Variants in NUBP2 observed in about 807,000 individuals in gnomAD.
NUBP2 encodes cytosolic Fe-S cluster assembly factor NUBP2.
In NUBP2, 23 loss-of-function variants were observed where a neutral mutation model predicts 24.9. The observed-to-expected ratio is 0.92, with a 90% CI of 0.66 to 1.31. NUBP2 has a LOEUF of 1.31. Among genes scored for constraint, NUBP2 ranks in the 50% most tolerant of loss-of-function variants. The pLI is 0.00. For missense variants in NUBP2, 403 were observed against 386.5 expected, an observed-to-expected ratio of 1.04 and a Z score of -0.36; for synonymous variants, 186 against 170.9, an observed-to-expected ratio of 1.09 and a Z score of -0.69.
In NUBP2 at chr16:1,788,618, C is replaced by G. The variant is rs548071502; in HGVS notation, c.720C>G (p.His240Gln). The G allele has an allele frequency of 1.2e-6, 2 of 1,610,704 alleles. No individual in the cohort carries two copies. The highest frequency in any genetic ancestry group is 1.3e-5 in the African/African-American group (1 of 75,006). Reference protein sequence around the residue: ...PALMRTLEEGHDFIQEFPGSP... With the variant: ...PALMRTLEEGQDFIQEFPGSP... ...TCATGAGGACCCTGGAGGAGGGCCA[C>G]GACTTCATCCAGGAGTTCCCTGGGA... Residue 240 changes from histidine (H) to glutamine (Q), a missense_variant, in exon 7 of 7, where the codon CAC becomes CAG. Transcript: ENST00000262302.
At chr16:1,786,321 G>C (rs1251335611) in intron 1 of NUBP2, 2 of 579,364 alleles carry the variant, frequency 3.5e-6, no homozygotes, top group Admixed American at 6.1e-5. Flanking sequence ...TGCAGGGAGT[G>C]CCGTGGTCTT....
rs1366303724 is a variant in NUBP2 at position 1,783,046 on chromosome 16, G to C, written c.16+10G>C. ...ATGGAGGCGGCGGCCGGTGAGTGGC[G>C]GGCCAGGGTGCGGAGCCGCTCCAGG... On this transcript the variant is annotated intron_variant, in intron 1 of 6. Transcript: ENST00000262302. 11 of 1,349,514 alleles carry C rather than the reference G, an allele frequency of 8.2e-6. No homozygotes were observed. Among genetic ancestry groups the C allele is most frequent in the African/African-American group, 6.1e-5 (4 of 65,878 alleles). The allele number at this position is 1,349,514 out of a possible 1,614,324, so 83.6% of individuals were successfully genotyped here. A position where few individuals can be genotyped will look rare whatever the true frequency, so the allele number is the denominator to read the frequency against.
In NUBP2 at chr16:1,789,057, C is replaced by A. The variant is rs1567238814; in HGVS notation, c.*343C>A. On this transcript the variant is annotated 3_prime_UTR_variant, in exon 7 of 7. Transcript: ENST00000262302. The stretch of plus-strand genomic sequence containing the variant: ...CAGTCCTCAGGTGACCCCGGGCCTC[C>A]AGCACCCTGGGTCGCTGTCATCTGT... 1 of 251,250 alleles carries A rather than the reference C, an allele frequency of 4.0e-6. No individual in the cohort carries two copies. Among genetic ancestry groups the A allele is most frequent in the Non-Finnish European group, 7.6e-6 (1 of 131,790 alleles). 15.6% of individuals were successfully genotyped at this position (251,250 alleles called of 1,614,324 possible).
At chr16:1,785,244 G>A in intron 1 of NUBP2, 1 of 1,024,058 alleles carries the variant, frequency 9.8e-7, no homozygotes, top group Non-Finnish European at 1.2e-6. Context: ...CATGCTGACT[G>A]TGCTTTGCTG....
At position 1,783,384 on chromosome 16, in the gene NUBP2, C is replaced by T. The variant is rs897944714; in HGVS notation, c.16+348C>T. On this transcript the variant is annotated intron_variant, in intron 1 of 6. Coordinates refer to ENST00000262302, the MANE Select transcript of NUBP2 (RefSeq NM_012225.4). ...GGTTGCAACTGCACCGCAGCCCGGG[C>T]AAGAGCGAGACCCTGTCTCTAAATA... The T allele has an allele frequency of 2.1e-5, 22 of 1,069,250 alleles. No homozygotes were observed. The African/African-American group carries it at 3.7e-4, about 18-fold the overall frequency. 66.2% of individuals were successfully genotyped at this position (1,069,250 alleles called of 1,614,324 possible).
At position 1,788,542 on chromosome 16, in the gene NUBP2, C is replaced by T. The variant is rs58637729; in HGVS notation, c.671-27C>T. 2.5e-3 allele frequency: 3,872 copies of T among 1,575,854 alleles called. 85 individuals are homozygous for T. In the African/African-American group the frequency reaches 0.046, roughly 19 times the overall value. On this transcript the variant is annotated intron_variant, in intron 6 of 6. Transcript: ENST00000262302. ...GTGGGAGTGGAAGGTGCGGACATGG[C>T]GCCACCGCCTCCACTGTGCCCTGCA...
At chr16:1,786,079 C>T (rs1004516349) in intron 1 of NUBP2, 14 of 988,378 alleles carry the variant, frequency 1.4e-5, no homozygotes, top group African/African-American at 1.7e-5. Flanking sequence ...TGTGACAACG[C>T]GTGGTTGTTG....
In NUBP2 at chr16:1,783,386, A is replaced by G. The variant is rs1031187562; in HGVS notation, c.16+350A>G. On this transcript the variant is annotated intron_variant, in intron 1 of 6. Transcript: ENST00000262302. ...TTGCAACTGCACCGCAGCCCGGGCA[A>G]GAGCGAGACCCTGTCTCTAAATAAA... is the stretch of plus-strand genomic sequence containing the variant. 48 of 1,066,800 alleles carry G rather than the reference A, an allele frequency of 4.5e-5. No individual in the cohort carries two copies. In the African/African-American group the frequency reaches 7.5e-4, roughly 17 times the overall value. 66.1% of individuals were successfully genotyped at this position (1,066,800 alleles called of 1,614,324 possible).
intron 1 of NUBP2, 184 bp from the exon 2 acceptor site, chr16:1,786,353 G>C: frequency 1.6e-6 from 1 of 631,996 alleles, no homozygotes; most frequent in Non-Finnish European, 2.8e-6. Flanking sequence ...CCGGGTCTGG[G>C]GCTGCAGGGG....
chr16:1,783,105 G>A, intron 1 of NUBP2, 69 bp downstream of exon 1: 2 of 1,221,094 alleles, frequency 1.6e-6, no homozygotes. Flanking sequence ...TCCCTTCCCG[G>A]GGCGGCCTCG....
intron 1 of NUBP2, 72 bp from the exon 2 acceptor site, chr16:1,786,465 G>GT (rs1318459856): frequency 1.4e-5 from 18 of 1,330,096 alleles, no homozygotes; most frequent in Non-Finnish European, 1.9e-5. Flanking sequence ...GCAAGAGGCA[G>GT]TGGGTGACCC....
chr16:1,788,478 A>T (rs28534374), intron 6 of NUBP2, 91 bp from the exon 7 acceptor site: 334,624 of 1,445,800 alleles, frequency 0.23, 40,860 homozygotes, highest in South Asian at 0.41. Flanking sequence ...ATCCCCTCTA[A>T]GGCCACGGGT....
In NUBP2 at chr16:1,788,938, A is replaced by G. The variant is rs1897131088; in HGVS notation, c.*224A>G. ...GGTCTGCGTGCTCTGCAGCTGTGAGACGGGGGCGGCCTGGGCTCTCTTCCC... is the reference window on the plus strand; with the variant it reads ...GGTCTGCGTGCTCTGCAGCTGTGAGGCGGGGGCGGCCTGGGCTCTCTTCCC... On this transcript the variant is annotated 3_prime_UTR_variant, in exon 7 of 7. Coordinates refer to ENST00000262302, the MANE Select transcript of NUBP2 (RefSeq NM_012225.4). The G allele has an allele frequency of 1.8e-6, 1 of 551,256 alleles. No homozygotes were observed. Among genetic ancestry groups the G allele is most frequent in the East Asian group, 3.2e-5 (1 of 31,498 alleles). The allele number at this position is 551,256 out of a possible 1,614,324, so 34.1% of individuals were successfully genotyped here. A position where few individuals can be genotyped will look rare whatever the true frequency, so the allele number is the denominator to read the frequency against.
chr16:1,785,365 C>A, intron 1 of NUBP2: 13 of 1,141,454 alleles, frequency 1.1e-5, no homozygotes, highest in Non-Finnish European at 1.4e-5. Context: ...TACCATGGTG[C>A]TCAGCCCAAC....
intron 1 of NUBP2, chr16:1,784,454 T>C (rs1380047641): frequency 6.6e-6 from 1 of 151,864 alleles, no homozygotes; most frequent in Non-Finnish European, 1.5e-5. Flanking sequence ...TGGAGTGCAG[T>C]GGCACAATCT....
intron 6 of NUBP2, 142 bp from the exon 7 acceptor site, chr16:1,788,427 G>A (rs1434998422): frequency 7.7e-7 from 1 of 1,306,450 alleles, no homozygotes; most frequent in African/African-American, 1.5e-5. Flanking sequence ...CTGCTGGGAG[G>A]GCCGCGGGTC....
At position 1,788,018 on chromosome 16, in the gene NUBP2, G is replaced by T; in HGVS notation, c.567G>T (p.Glu189Asp). The change falls in exon 5 of 7, where the codon GAG becomes GAT. Residue 189 changes from glutamate to aspartate, a missense_variant. By Grantham distance (45) the Glu-to-Asp change is conservative. Coordinates refer to ENST00000262302, the MANE Select transcript of NUBP2 (RefSeq NM_012225.4). ...KTGLRVMGIV[E>D]NMSGFTCPHC... is the part of the protein sequence containing the mutation. ...GCTTGCGGGTGATGGGAATCGTGGA[G>T]AATATGAGCGGCTTCACCTGCCCAC... 1 of 1,601,610 alleles carries T rather than the reference G, an allele frequency of 6.2e-7. No individual in the cohort carries two copies. The highest frequency in any genetic ancestry group is 8.5e-7 in the Non-Finnish European group (1 of 1,176,078).
intron 3 of NUBP2, 56 bp downstream of exon 3, chr16:1,787,011 G>A (rs1387222932): frequency 2.1e-5 from 30 of 1,426,428 alleles, no homozygotes; most frequent in African/African-American, 2.9e-5. Flanking sequence ...CGTCCGTGCC[G>A]GCCTCTCCTG....
In NUBP2 at chr16:1,788,119, G is replaced by GCT; in HGVS notation, c.601-17_601-16dup. 1 of 1,553,192 alleles carries GCT rather than the reference G, an allele frequency of 6.4e-7. No individual in the cohort carries two copies. On this transcript the variant is annotated intron_variant, in intron 5 of 6. Transcript: ENST00000262302. ...CGGTGGGGGCTTTGGGCAGTGCTGG[G>GCT]CTCACCACCGTCTCCTAGGAGTGCA...
Sources: gnomAD v4.1 joint callset for allele counts on GRCh38, gnomAD v4.1.1 for gene constraint, MANE v1.5 for transcripts, NCBI Gene and HGNC (gene_info 2026-07-23, HGNC 2026-07-21) for gene names.